TRHDE: variants seen among roughly 807,000 people sequenced by gnomAD.
The protein encoded by TRHDE is thyrotropin-releasing hormone-degrading ectoenzyme.
In TRHDE, 72 loss-of-function variants were observed where a neutral mutation model predicts 125.7. The ratio of observed to expected loss-of-function variants is 0.57; its 90% CI spans 0.47 to 0.70. The LOEUF is 0.70. Ranked by LOEUF, TRHDE falls within the 30% of genes least tolerant of loss-of-function variation. The pLI is 0.00. For synonymous variants in TRHDE, 509 were observed against 509.1 expected (o/e 1.00, Z 0.00); for missense variants, 1,110 against 1,327.1 (o/e 0.84, Z 2.54).
intron 2 of TRHDE, among the ~76,000 whole-genome samples, chr12:72,142,039 A>T (rs1325958738): frequency 6.6e-6 from 1 of 152,002 alleles, no homozygotes; most frequent in Non-Finnish European, 1.5e-5. Flanking sequence ...AGAGACAAAA[A>T]TGGCAAAGTA....
At chr12:72,480,683 A>G (rs1877127623) in intron 5 of TRHDE, among the ~76,000 whole-genome samples, 1 of 152,178 alleles carries the variant, frequency 6.6e-6, no homozygotes, top group South Asian at 2.1e-4. Context: ...GAGTCTAACA[A>G]TAATGCAAGG....
At chr12:72,322,143 A>G (rs148072718) in intron 2 of TRHDE, among the ~76,000 whole-genome samples, 1 of 152,164 alleles carries the variant, frequency 6.6e-6, no homozygotes, top group African/African-American at 2.4e-5. Context: ...ACTCAAAGAC[A>G]TGAACAGAAT....
At chr12:72,635,053 T>C (rs1234240796) in intron 15 of TRHDE, among the ~76,000 whole-genome samples, 8 of 151,728 alleles carry the variant, frequency 5.3e-5, no homozygotes, top group African/African-American at 1.9e-4. Flanking sequence ...TATTTCTAGT[T>C]CTAGATCCCT....
At chr12:72,434,942 A>G (rs1417428408) in intron 3 of TRHDE, among the ~76,000 whole-genome samples, 1 of 152,206 alleles carries the variant, frequency 6.6e-6, no homozygotes, top group African/African-American at 2.4e-5. Flanking sequence ...CAGAACAGGG[A>G]TGGCAACTTT....
chr12:72,274,821 C>G (rs1049882188), intron 1 of TRHDE: 1 of 152,220 alleles, frequency 6.6e-6, no homozygotes, highest in Non-Finnish European at 1.5e-5. Flanking sequence ...AGTACTTACC[C>G]CTGTGCCTGG....
chr12:72,310,615 AATTATT>A (rs1234513808), intron 2 of TRHDE, among the ~76,000 whole-genome samples: 5 of 152,132 alleles, frequency 3.3e-5, no homozygotes, highest in African/African-American at 7.2e-5. Flanking sequence ...ATGTTTTGTC[AATTATT>A]ATTATAATAA....
In TRHDE at chr12:72,417,874, G is replaced by A. The variant is rs143282179; in HGVS notation, c.1315+39753G>A. On this transcript the variant is annotated intron_variant, in intron 3 of 18. Coordinates refer to ENST00000261180, the MANE Select transcript of TRHDE (RefSeq NM_013381.3). ...ATATTTTCTTCTTTCTCAATTTCACGAGCAAATTCAGAACACATATTTTTT... is the reference window on the plus strand; with the variant it reads ...ATATTTTCTTCTTTCTCAATTTCACAAGCAAATTCAGAACACATATTTTTT... Among the ~76,000 whole-genome samples the A allele has an allele frequency of 3.3e-5, 5 of 151,724 alleles. No individual in the cohort carries two copies. The East Asian group carries it at 7.7e-4, about 24-fold the overall frequency.
At chr12:72,127,730 C>A (rs965948991) in intron 2 of TRHDE, among the ~76,000 whole-genome samples, 1 of 152,118 alleles carries the variant, frequency 6.6e-6, no homozygotes, top group Admixed American at 6.6e-5. Flanking sequence ...ATGCTCACTA[C>A]TTGAGTGATG....
At position 72,111,106 on chromosome 12, in the gene TRHDE, C is replaced by G. The variant is rs1385319; in HGVS notation, n.279+5354C>G. Among the ~76,000 whole-genome samples the G allele has an allele frequency of 1.2e-4, 18 of 152,090 alleles. No homozygotes were observed. The South Asian group carries it at 3.5e-3, about 30-fold the overall frequency. The stretch of plus-strand genomic sequence containing the variant: ...CATGTCCCCTGTGAGGAATCTGAGG[C>G]ACACTTTAGTTACTGGAGTCCCTCT... On this transcript the variant is annotated intron_variant and non_coding_transcript_variant, in intron 2 of 4. Coordinates refer to the TRHDE transcript ENST00000548156.
At chr12:72,370,150 G>A (rs1319737578) in intron 2 of TRHDE, among the ~76,000 whole-genome samples, 2 of 152,138 alleles carry the variant, frequency 1.3e-5, no homozygotes, top group African/African-American at 2.4e-5. Context: ...GATACTGGGA[G>A]TACAGATAAG....
intron 15 of TRHDE, among the ~76,000 whole-genome samples, chr12:72,638,917 C>T (rs1214675942): frequency 4.6e-5 from 7 of 152,064 alleles, no homozygotes; most frequent in South Asian, 2.1e-4. Context: ...ACCCGACCTT[C>T]CTCTCTGGCT....
At chr12:72,602,543 A>G (rs535508315) in intron 12 of TRHDE, among the ~76,000 whole-genome samples, 1 of 152,292 alleles carries the variant, frequency 6.6e-6, no homozygotes, top group East Asian at 1.9e-4. Flanking sequence ...AAGAGAAGAC[A>G]TGCAAAAGTA....
chr12:72,516,211 T>A (rs1878852120), intron 6 of TRHDE, among the ~76,000 whole-genome samples: 1 of 151,622 alleles, frequency 6.6e-6, no homozygotes, highest in African/African-American at 2.4e-5. Context: ...GGGGATGGCA[T>A]TGAATCTGTA....
chr12:72,374,338 C>A (rs1871776082), intron 2 of TRHDE, among the ~76,000 whole-genome samples: 1 of 135,634 alleles, frequency 7.4e-6, no homozygotes, highest in Non-Finnish European at 1.6e-5. Flanking sequence ...TGTGTGATAT[C>A]AGGAGTTTGG....
At chr12:72,339,847 C>T (rs1333641350) in intron 2 of TRHDE, among the ~76,000 whole-genome samples, 1 of 152,120 alleles carries the variant, frequency 6.6e-6, no homozygotes, top group African/African-American at 2.4e-5. Context: ...CTGGAAATTG[C>T]CCTTGGCCAC....
intron 7 of TRHDE, among the ~76,000 whole-genome samples, chr12:72,552,965 A>C (rs1253189948): frequency 6.6e-6 from 1 of 152,180 alleles, no homozygotes; most frequent in Non-Finnish European, 1.5e-5. Context: ...ACTTGTCTTT[A>C]ATAGGAGACT....
intron 2 of TRHDE, among the ~76,000 whole-genome samples, chr12:72,251,788 G>C (rs1188532427): frequency 6.6e-6 from 1 of 152,046 alleles, no homozygotes; most frequent in Non-Finnish European, 1.5e-5. Context: ...TACTAGCAAT[G>C]CATGAGTGAT....
In TRHDE at chr12:72,562,209, T is replaced by A. The variant is rs747360178; in HGVS notation, c.1833T>A (p.Asp611Glu). The A allele has an allele frequency of 6.4e-7, 1 of 1,558,922 alleles. No individual in the cohort carries two copies. Among genetic ancestry groups the A allele is most frequent in the Non-Finnish European group, 8.8e-7 (1 of 1,135,522 alleles). Residue 611 changes from aspartate (D) to glutamate (E), a missense_variant, in exon 8 of 19, where the codon GAT becomes GAA. Coordinates refer to ENST00000261180, the MANE Select transcript of TRHDE (RefSeq NM_013381.3). ...AGTATGGTAATGCAGCCAGAAATGA[T>A]CTCTGGAATACATTATCGGAGGTAA... Reference protein sequence around the residue: ...IHKYGNAARNDLWNTLSEALK... With the variant: ...IHKYGNAARNELWNTLSEALK...
chr12:72,193,681 C>T (rs947658818), intron 2 of TRHDE, among the ~76,000 whole-genome samples: 1 of 151,736 alleles, frequency 6.6e-6, no homozygotes, highest in African/African-American at 2.4e-5. Flanking sequence ...AATAAAAGAG[C>T]AAAATGATTA....
Sources: allele counts gnomAD v4.1 joint callset (sites outside exome capture counted in the v4.1 genomes callset), GRCh38; gene constraint gnomAD v4.1.1; transcripts MANE v1.5; gene names NCBI Gene and HGNC (gene_info 2026-07-23, HGNC 2026-07-21).